Variants in NAF1 observed in about 807,000 individuals in gnomAD.
NAF1 encodes the protein H/ACA ribonucleoprotein complex non-core subunit NAF1.
NAF1 carries 11 observed loss-of-function variants against 40.6 expected under a neutral mutation model. The ratio of observed to expected loss-of-function variants is 0.27; its 90% CI spans 0.17 to 0.45. The LOEUF is 0.45. NAF1 is among the 20% of genes least tolerant of loss of function. NAF1 has a pLI of 1.00. For missense variants in NAF1, 607 were observed against 611.1 expected, an observed-to-expected ratio of 0.99 and a Z score of 0.07; for synonymous variants, 260 against 228.5, an observed-to-expected ratio of 1.14 and a Z score of -1.24.
chr4:163,109,323 G>T (rs559809617), downstream of NAF1, among the ~76,000 whole-genome samples: 3 of 151,742 alleles, frequency 2.0e-5, no homozygotes, highest in East Asian at 5.8e-4. Context: ...AATTTATAGA[G>T]AATTTATACC....
intron 4 of NAF1, among the ~76,000 whole-genome samples, chr4:163,141,140 G>C (rs972584013): frequency 6.6e-6 from 1 of 152,068 alleles, no homozygotes; most frequent in Non-Finnish European, 1.5e-5. Context: ...TGAGGCGGGC[G>C]GATCACCTGA....
downstream of NAF1, chr4:163,127,126 G>T: frequency 6.5e-7 from 1 of 1,549,462 alleles, no homozygotes; most frequent in Non-Finnish European, 8.7e-7. Flanking sequence ...CTGGGGTAAA[G>T]AAATGGACAG....
At chr4:163,156,940 T>G (rs1732009502) in intron 2 of NAF1, 1 of 152,034 alleles carries the variant, frequency 6.6e-6, no homozygotes, top group Admixed American at 6.5e-5. Context: ...TAACAAAAAA[T>G]CAAAGAACAG....
rs1192192781 is a variant in NAF1 at position 163,129,013 on chromosome 4, C to T, written c.1369G>A (p.Ala457Thr). ...GGTAAGTTAAGTAATGGATGAGCAGCCATGTTTGGTGTAGCCCAACCCATG... is the reference window on the plus strand; with the variant it reads ...GGTAAGTTAAGTAATGGATGAGCAGTCATGTTTGGTGTAGCCCAACCCATG... The part of the protein sequence containing the change: ...VNMGWATPNM[A>T]AHPLLNLPYS... The change falls in exon 8 of 8, where the codon GCT becomes ACT. Residue 457 changes from alanine to threonine, a missense_variant. Ala to Thr is a moderately conservative substitution (Grantham distance 58). Transcript: ENST00000274054. 1 of 1,428,252 alleles carries T rather than the reference C, an allele frequency of 7.0e-7. No individual in the cohort carries two copies. Among genetic ancestry groups the T allele is most frequent in the Middle Eastern group, 2.6e-4 (1 of 3,890 alleles). 88.5% of individuals were successfully genotyped at this position (1,428,252 alleles called of 1,614,324 possible).
In NAF1 at chr4:163,129,106, G is replaced by A. The variant is rs749559142; in HGVS notation, c.1276C>T (p.Leu426Phe). 101 of 1,612,376 alleles carry A rather than the reference G, an allele frequency of 6.3e-5. No individual in the cohort carries two copies. The highest frequency in any genetic ancestry group is 8.0e-5 in the Non-Finnish European group (94 of 1,178,872). ...AAATTATGCATGTCAAACACTGGAA[G>A]AGGAAAGGGGTATTGTGGCATAATG... ...NPIMPQYPFP[L>F]PVFDMHNFPL... Residue 426 changes from leucine (L) to phenylalanine (F), a missense_variant, in exon 8 of 8, where the codon CTT (leucine) becomes TTT (phenylalanine). Leu to Phe is a conservative substitution (Grantham distance 22, BLOSUM62 0). Around this residue, in one of 3 missense-constraint regions of NAF1, gnomAD observed 189 missense variants for 216.6 expected, o/e 0.87. Coordinates refer to ENST00000274054, the MANE Select transcript of NAF1 (RefSeq NM_138386.3).
chr4:163,151,093 T>G (rs1000956218), intron 2 of NAF1, among the ~76,000 whole-genome samples: 17 of 151,334 alleles, frequency 1.1e-4, no homozygotes, highest in African/African-American at 3.7e-4. Context: ...AGGGCTTATC[T>G]TTTATTAATT....
At chr4:163,165,861 T>A (rs1339454981) in intron 1 of NAF1, among the ~76,000 whole-genome samples, 1 of 152,132 alleles carries the variant, frequency 6.6e-6, no homozygotes, top group Non-Finnish European at 1.5e-5. Flanking sequence ...TAAACACGTG[T>A]TCCCTGCAAG....
chr4:163,120,795 A>G (rs1730496317), intron 2 of NAF1, among the ~76,000 whole-genome samples: 2 of 152,176 alleles, frequency 1.3e-5, no homozygotes, highest in South Asian at 4.1e-4. Context: ...AATTGCATAT[A>G]TCTAGTCTGC....
intron 2 of NAF1, among the ~76,000 whole-genome samples, chr4:163,113,569 T>C (rs1424490553): frequency 2.0e-5 from 3 of 150,346 alleles, no homozygotes; most frequent in Non-Finnish European, 4.4e-5. Context: ...AGCTTGGTTT[T>C]CAGAAATTTT....
chr4:163,156,576 A>T (rs1210957991), intron 2 of NAF1, among the ~76,000 whole-genome samples: 1 of 152,158 alleles, frequency 6.6e-6, no homozygotes, highest in Non-Finnish European at 1.5e-5. Flanking sequence ...CAATATGGAC[A>T]TCCCCAACAC....
downstream of NAF1, among the ~76,000 whole-genome samples, chr4:163,106,874 A>AGT (rs1730057164): frequency 6.6e-6 from 1 of 152,236 alleles, no homozygotes; most frequent in Non-Finnish European, 1.5e-5. Flanking sequence ...TTCAATTTAT[A>AGT]GTACCACACA....
intron 2 of NAF1, among the ~76,000 whole-genome samples, chr4:163,160,516 A>C (rs17609340): frequency 0.05 from 7,639 of 152,276 alleles, 249 homozygotes; most frequent in African/African-American, 0.072. Flanking sequence ...CATTGTACAT[A>C]GTTAGATCGC....
chr4:163,155,010 T>G (rs868745795), intron 2 of NAF1, among the ~76,000 whole-genome samples: 25 of 152,080 alleles, frequency 1.6e-4, no homozygotes, highest in Admixed American at 2.6e-4. Flanking sequence ...AGAGAGAACT[T>G]TAGAAGGTTC....
chr4:163,145,744 A>C (rs1279836881), intron 4 of NAF1, 38 bp downstream of exon 4: 1 of 1,308,898 alleles, frequency 7.6e-7, no homozygotes, highest in South Asian at 1.3e-5. Flanking sequence ...ACAATAAATA[A>C]ATAGAATAAT....
At chr4:163,138,945 T>C (rs1365988662) in intron 5 of NAF1, among the ~76,000 whole-genome samples, 1 of 152,124 alleles carries the variant, frequency 6.6e-6, no homozygotes, top group African/African-American at 2.4e-5. Context: ...GAAGACTTTA[T>C]GTGTATTTAA....
At chr4:163,161,220 C>G (rs1168188031) in intron 2 of NAF1, among the ~76,000 whole-genome samples, 1 of 152,076 alleles carries the variant, frequency 6.6e-6, no homozygotes, top group Non-Finnish European at 1.5e-5. Flanking sequence ...CGCCTGTAAT[C>G]CCAGCACTTT....
intron 2 of NAF1, among the ~76,000 whole-genome samples, chr4:163,114,504 C>G (rs570211282): frequency 9.2e-5 from 14 of 152,326 alleles, no homozygotes; most frequent in African/African-American, 3.4e-4. Context: ...AAATTCAGAA[C>G]ATTCTGTTCA....
intron 2 of NAF1, among the ~76,000 whole-genome samples, chr4:163,118,955 T>C (rs1409883766): frequency 6.6e-6 from 1 of 152,170 alleles, no homozygotes; most frequent in African/African-American, 2.4e-5. Context: ...TACTTTTTTA[T>C]AAGGGCAATT....
intron 2 of NAF1, among the ~76,000 whole-genome samples, chr4:163,113,210 T>C (rs1276457018): frequency 6.6e-6 from 1 of 152,152 alleles, no homozygotes; most frequent in Non-Finnish European, 1.5e-5. Context: ...AATATAAGTG[T>C]ACAGCTCAAA....
Sources: allele counts gnomAD v4.1 joint callset (sites outside exome capture counted in the v4.1 genomes callset), GRCh38; gene constraint gnomAD v4.1.1; regional missense constraint gnomAD v4.1.1; transcripts MANE v1.5; gene names NCBI Gene and HGNC (gene_info 2026-07-23, HGNC 2026-07-21).